Variants in CTTNBP2 observed in about 807,000 individuals in gnomAD.
The protein encoded by CTTNBP2 is cortactin-binding protein 2.
A neutral mutation model predicts 156.9 loss-of-function variants in CTTNBP2; 108 were observed. The observed-to-expected ratio is 0.69, with a 90% confidence interval of 0.59 to 0.81. CTTNBP2 has a LOEUF of 0.81. CTTNBP2 is among the 30% of genes least tolerant of loss of function. CTTNBP2 has a pLI of 0.00. For synonymous variants in CTTNBP2, 767 were observed against 751.8 expected (o/e 1.02, Z -0.33); for missense variants, 1,924 against 2,035.4 (o/e 0.95, Z 1.05).
intron 10 of CTTNBP2, among the ~76,000 whole-genome samples, chr7:117,758,870 T>C (rs1218199494): frequency 1.3e-5 from 2 of 152,200 alleles, no homozygotes; most frequent in Non-Finnish European, 2.9e-5. Context: ...AGCCTTAGCA[T>C]GCACTGTTCA....
Position 117,784,274 on chromosome 7 carries a change from G to C in CTTNBP2, c.2249C>G (p.Ser750Cys). ...ACCTGTATGTCCATTCTTAGCAGCAGAATACAAGGCAGAATGGCCATCTTC... is the reference window on the plus strand; with the variant it reads ...ACCTGTATGTCCATTCTTAGCAGCACAATACAAGGCAGAATGGCCATCTTC... Reference protein sequence around the residue: ...SCEDGHSALYSAAKNGHTDCV... With the variant: ...SCEDGHSALYCAAKNGHTDCV... The change falls in exon 5 of 23, where the codon TCT becomes TGT. Residue 750 changes from serine to cysteine, a missense_variant. Physicochemically the swap from Ser to Cys is moderately radical, Grantham distance 112 (BLOSUM62 -1). Transcript: ENST00000160373. 6.2e-7 allele frequency: 1 copy of C among 1,611,556 alleles called. No individual in the cohort carries two copies. Among genetic ancestry groups the C allele is most frequent in the Non-Finnish European group, 8.5e-7 (1 of 1,179,108 alleles).
At chr7:117,787,690 T>C (rs1798775961) in intron 4 of CTTNBP2, among the ~76,000 whole-genome samples, 1 of 152,244 alleles carries the variant, frequency 6.6e-6, no homozygotes, top group South Asian at 2.1e-4. Flanking sequence ...CTAGTTCATT[T>C]AGAATTAAGA....
chr7:117,807,055 C>T (rs1799993898), intron 3 of CTTNBP2, among the ~76,000 whole-genome samples: 1 of 152,140 alleles, frequency 6.6e-6, no homozygotes, highest in Admixed American at 6.5e-5. Context: ...CCATGCCCGG[C>T]TGGCTCATTT....
chr7:117,752,864 T>C (rs1330788373), intron 12 of CTTNBP2, among the ~76,000 whole-genome samples: 3 of 152,180 alleles, frequency 2.0e-5, no homozygotes, highest in South Asian at 2.1e-4. Flanking sequence ...ATCTATCTCA[T>C]AGAAAGATTA....
chr7:117,760,323 C>T (rs968551892), intron 10 of CTTNBP2, 112 bp downstream of exon 10: 5 of 1,057,610 alleles, frequency 4.7e-6, no homozygotes, highest in Admixed American at 2.6e-5. Context: ...GCAGCTGCCA[C>T]AAGTAAGCTT....
At chr7:117,786,029 T>C (rs754272936) in intron 4 of CTTNBP2, among the ~76,000 whole-genome samples, 4 of 152,224 alleles carry the variant, frequency 2.6e-5, no homozygotes, top group African/African-American at 7.2e-5. Context: ...TTAATACATA[T>C]GTAATACTCA....
intron 4 of CTTNBP2, among the ~76,000 whole-genome samples, chr7:117,789,603 C>T (rs911094223): frequency 6.6e-6 from 1 of 152,280 alleles, no homozygotes; most frequent in Admixed American, 6.5e-5. Flanking sequence ...ATATAGAATG[C>T]TGAATGCCTG....
intron 2 of CTTNBP2, among the ~76,000 whole-genome samples, chr7:117,859,011 G>A (rs756869483): frequency 3.9e-5 from 6 of 152,058 alleles, no homozygotes; most frequent in South Asian, 2.1e-4. Flanking sequence ...GTTTTATCAC[G>A]TCTTTCAGTA....
At chr7:117,849,512 C>G (rs1416080007) in intron 2 of CTTNBP2, among the ~76,000 whole-genome samples, 1 of 152,098 alleles carries the variant, frequency 6.6e-6, no homozygotes, top group African/African-American at 2.4e-5. Context: ...GCACTGCCTA[C>G]CAGGCTAAGC....
chr7:117,794,877 CTTTTT>C (rs755340586), intron 3 of CTTNBP2, among the ~76,000 whole-genome samples: 3 of 88,320 alleles, frequency 3.4e-5, no homozygotes, highest in African/African-American at 5.3e-5. Context: ...ATATGTATAT[CTTTTT>C]TTTTTTTTTT....
intron 8 of CTTNBP2, among the ~76,000 whole-genome samples, chr7:117,768,581 A>AAAAAGAAAG (rs1554419704): frequency 0.025 from 2,485 of 99,220 alleles, 89 homozygotes; most frequent in Middle Eastern, 0.036. Flanking sequence ...AAAAAAAAAA[A>AAAAAGAAAG]AAAGAAAGAA....
chr7:117,827,756 A>C (rs1259424023), intron 2 of CTTNBP2, among the ~76,000 whole-genome samples: 1 of 152,258 alleles, frequency 6.6e-6, no homozygotes, highest in Non-Finnish European at 1.5e-5. Context: ...TGAAAAACAC[A>C]GAAATAAAGG....
At chr7:117,770,633 T>C (rs1057444871) in intron 8 of CTTNBP2, among the ~76,000 whole-genome samples, 2 of 152,176 alleles carry the variant, frequency 1.3e-5, no homozygotes, top group Non-Finnish European at 2.9e-5. Context: ...AGGGTCCTGA[T>C]GGTGAATAAG....
intron 6 of CTTNBP2, among the ~76,000 whole-genome samples, chr7:117,781,440 C>T (rs1798428581): frequency 6.6e-6 from 1 of 152,092 alleles, no homozygotes; most frequent in Non-Finnish European, 1.5e-5. Flanking sequence ...GTATCAGACA[C>T]ATTTAAATTA....
At chr7:117,770,205 A>T (rs962052038) in intron 8 of CTTNBP2, among the ~76,000 whole-genome samples, 3 of 152,250 alleles carry the variant, frequency 2.0e-5, no homozygotes, top group Admixed American at 2.0e-4. Flanking sequence ...AACAGAAATG[A>T]TAAAAGGGGT....
chr7:117,758,297 CTGTTTCAGGGTTCTTCCAAAGCT>C (rs1211587342), intron 10 of CTTNBP2, among the ~76,000 whole-genome samples: 11 of 152,074 alleles, frequency 7.2e-5, no homozygotes, highest in Admixed American at 7.2e-4. Flanking sequence ...TAATCTAAAA[CTGTTTCAGGGTTCTTCCAAAGCT>C]TGTTTCTCAA....
At chr7:117,756,350 G>A (rs1338496244) in intron 12 of CTTNBP2, among the ~76,000 whole-genome samples, 3 of 152,060 alleles carry the variant, frequency 2.0e-5, no homozygotes, top group African/African-American at 7.2e-5. Context: ...TCTGGATCCA[G>A]GCAATAGATA....
chr7:117,743,434 G>A (rs1247222194), intron 14 of CTTNBP2, among the ~76,000 whole-genome samples: 2 of 152,176 alleles, frequency 1.3e-5, no homozygotes, highest in Non-Finnish European at 2.9e-5. Context: ...TTTGAGTTCC[G>A]TTTTATGTTC....
intron 2 of CTTNBP2, among the ~76,000 whole-genome samples, chr7:117,813,713 A>C (rs951928488): frequency 6.6e-6 from 1 of 152,138 alleles, no homozygotes; most frequent in Non-Finnish European, 1.5e-5. Context: ...CAAGATCTGC[A>C]GGAAAAACCT....
Sources: allele counts gnomAD v4.1 joint callset (sites outside exome capture counted in the v4.1 genomes callset), GRCh38; gene constraint gnomAD v4.1.1; transcripts MANE v1.5; gene names NCBI Gene and HGNC (gene_info 2026-07-23, HGNC 2026-07-21).